The following TRAPPC9 variants were observed in gnomAD, a reference collection of about 807,000 sequenced individuals.
The protein encoded by TRAPPC9 is trafficking protein particle complex subunit 9.
TRAPPC9 carries 83 observed loss-of-function variants against 124.0 expected under a neutral mutation model. The observed-to-expected ratio is 0.67, with a 90% CI of 0.56 to 0.80. The LOEUF is 0.80. TRAPPC9 is among the 30% of genes least tolerant of loss of function. The pLI is 0.00. For synonymous variants in TRAPPC9, 638 were observed against 617.5 expected, an observed-to-expected ratio of 1.03 and a Z score of -0.49; for missense variants, 1,302 against 1,508.3, an observed-to-expected ratio of 0.86 and a Z score of 2.27.
At chr8:140,227,779 C>T (rs1385069342) in intron 16 of TRAPPC9, among the ~76,000 whole-genome samples, 1 of 152,226 alleles carries the variant, frequency 6.6e-6, no homozygotes, top group Non-Finnish European at 1.5e-5. Context: ...CCATCCAACT[C>T]TTCACACCCT....
chr8:139,729,695 C>T lies in TRAPPC9; in HGVS notation c.*1366G>A, dbSNP rs1475070995. On this transcript the variant is annotated 3_prime_UTR_variant, in exon 23 of 23. Coordinates refer to ENST00000438773, the MANE Select transcript of TRAPPC9 (RefSeq NM_001160372.4). ...TTGCTCCCAGCGAGGGAGGTTTGGGCCTGGGACTTCAGGTCCTCAGGAAGT... is the reference window on the plus strand; with the variant it reads ...TTGCTCCCAGCGAGGGAGGTTTGGGTCTGGGACTTCAGGTCCTCAGGAAGT... 6.6e-6 allele frequency among the ~76,000 whole-genome samples: 1 copy of T among 151,886 alleles called. No homozygotes were observed. The highest frequency in any genetic ancestry group is 6.6e-5 in the Admixed American group (1 of 15,156).
intron 21 of TRAPPC9, among the ~76,000 whole-genome samples, chr8:139,787,980 G>A (rs1400221112): frequency 4.6e-5 from 7 of 152,132 alleles, no homozygotes; most frequent in Non-Finnish European, 5.9e-5. Context: ...GTGAGACTAG[G>A]AACCCCACCG....
chr8:140,348,070 G>C (rs989122932), intron 9 of TRAPPC9, among the ~76,000 whole-genome samples: 4 of 152,212 alleles, frequency 2.6e-5, no homozygotes, highest in African/African-American at 7.2e-5. Context: ...GATGACAACT[G>C]AACAAAAATG....
chr8:139,862,802 C>T (rs1220852846), intron 21 of TRAPPC9, among the ~76,000 whole-genome samples: 1 of 152,216 alleles, frequency 6.6e-6, no homozygotes, highest in African/African-American at 2.4e-5. Flanking sequence ...TCACAGCGCC[C>T]TGGTCCGGCC....
chr8:140,358,072 G>A (rs1256984738), intron 9 of TRAPPC9, among the ~76,000 whole-genome samples: 1 of 152,196 alleles, frequency 6.6e-6, no homozygotes, highest in Admixed American at 6.5e-5. Flanking sequence ...TTCACGAAAG[G>A]AGAATTCCTT....
At chr8:139,874,664 A>G (rs1019501634) in intron 21 of TRAPPC9, among the ~76,000 whole-genome samples, 5 of 152,206 alleles carry the variant, frequency 3.3e-5, no homozygotes, top group Admixed American at 3.3e-4. Context: ...CCTGGAGCCC[A>G]GGTCACAGGG....
intron 17 of TRAPPC9, among the ~76,000 whole-genome samples, chr8:140,067,870 G>A (rs1249972449): frequency 6.6e-6 from 1 of 152,192 alleles, no homozygotes; most frequent in African/African-American, 2.4e-5. Context: ...CAACTTCAGT[G>A]CTCTACAGGA....
intron 17 of TRAPPC9, among the ~76,000 whole-genome samples, chr8:140,186,499 T>C (rs1046132015): frequency 2.0e-5 from 3 of 152,100 alleles, no homozygotes; most frequent in African/African-American, 7.2e-5. Flanking sequence ...GGCAGTAGAA[T>C]TGCTTGAACC....
intron 19 of TRAPPC9, among the ~76,000 whole-genome samples, chr8:139,911,957 T>C (rs1195417096): frequency 6.6e-5 from 10 of 152,144 alleles, no homozygotes; most frequent in Admixed American, 6.5e-4. Flanking sequence ...AGGCATGACA[T>C]GCGGGGCTGA....
intron 17 of TRAPPC9, among the ~76,000 whole-genome samples, chr8:140,114,594 A>G (rs1200545253): frequency 6.6e-6 from 1 of 152,214 alleles, no homozygotes; most frequent in Non-Finnish European, 1.5e-5. Context: ...ACCATCCGTC[A>G]CCGATGCAAT....
chr8:139,895,470 T>C (rs1830608181), intron 20 of TRAPPC9, among the ~76,000 whole-genome samples: 1 of 152,280 alleles, frequency 6.6e-6, no homozygotes, highest in South Asian at 2.1e-4. Context: ...CAAATAAAAG[T>C]GGGTGCTCTG....
At position 139,885,904 on chromosome 8, in the gene TRAPPC9, G is replaced by T. The variant is rs1260109762; in HGVS notation, c.3030C>A (p.His1010Gln). The T allele has an allele frequency of 1.3e-6, 2 of 1,569,480 alleles. No individual in the cohort carries two copies. The highest frequency in any genetic ancestry group is 1.7e-6 in the Non-Finnish European group (2 of 1,156,614). Residue 1010 changes from histidine to glutamine, a missense_variant, in exon 21 of 23, where the codon CAC becomes CAA. Around this residue, in one of 3 missense-constraint regions of TRAPPC9, gnomAD observed 640 missense variants for 679.3 expected, o/e 0.94. Transcript: ENST00000438773. Reference protein sequence around the residue: ...EGLLNQLVLEHLQLAPLQWDV... With the variant: ...EGLLNQLVLEQLQLAPLQWDV... ...CCCACTGCAGAGGCGCCAGCTGCAG[G>T]TGCTCCAGGACGAGCTGGTTCAGGA... is the stretch of plus-strand genomic sequence containing the variant.
At chr8:140,158,230 T>C in intron 17 of TRAPPC9, among the ~76,000 whole-genome samples, 1 of 152,228 alleles carries the variant, frequency 6.6e-6, no homozygotes, top group East Asian at 1.9e-4. Context: ...AATGTGACCT[T>C]ACATACAGAA....
At chr8:140,054,743 T>C (rs1842200934) in intron 17 of TRAPPC9, among the ~76,000 whole-genome samples, 1 of 151,192 alleles carries the variant, frequency 6.6e-6, no homozygotes, top group Non-Finnish European at 1.5e-5. Flanking sequence ...ATCTGAAAAA[T>C]CATTAGAAGA....
intron 7 of TRAPPC9, among the ~76,000 whole-genome samples, chr8:140,385,704 C>T (rs893231465): frequency 1.3e-5 from 2 of 152,172 alleles, no homozygotes; most frequent in African/African-American, 4.8e-5. Flanking sequence ...AAGTCCAGGA[C>T]CAGACGGATT....
At chr8:139,796,060 G>A (rs1823049838) in intron 21 of TRAPPC9, among the ~76,000 whole-genome samples, 1 of 136,504 alleles carries the variant, frequency 7.3e-6, no homozygotes, top group Admixed American at 7.1e-5. Flanking sequence ...AGGAGGAAGA[G>A]GAAGAAGAGG....
intron 17 of TRAPPC9, among the ~76,000 whole-genome samples, chr8:140,187,999 C>T (rs1563829573): frequency 6.6e-6 from 1 of 152,170 alleles, no homozygotes; most frequent in Admixed American, 6.5e-5. Context: ...GGGCTCCTCC[C>T]ACACCTGTAC....
chr8:140,030,632 T>C (rs1840441462), intron 17 of TRAPPC9, among the ~76,000 whole-genome samples: 1 of 152,070 alleles, frequency 6.6e-6, no homozygotes, highest in African/African-American at 2.4e-5. Context: ...GGTGACCAAA[T>C]AAACAAATTG....
intron 16 of TRAPPC9, among the ~76,000 whole-genome samples, chr8:140,247,443 T>G (rs2064014205): frequency 6.6e-6 from 1 of 152,208 alleles, no homozygotes. Context: ...TCACTTGCTA[T>G]CTGGGTCTAA....
Sources: gnomAD v4.1 joint callset for allele counts (sites outside exome capture counted in the v4.1 genomes callset) on GRCh38, gnomAD v4.1.1 for gene constraint, gnomAD v4.1.1 regional missense constraint, MANE v1.5 for transcripts, NCBI Gene and HGNC (gene_info 2026-07-23, HGNC 2026-07-21) for gene names.